The following RGS21 variants were observed in gnomAD, a reference collection of about 807,000 sequenced individuals.
RGS21 encodes regulator of G-protein signalling 21.
RGS21 carries 19 observed loss-of-function variants against 18.7 expected under a neutral mutation model. That is an observed-to-expected ratio of 1.01 (90% CI 0.71 to 1.49). RGS21 has a LOEUF of 1.49. Ranked by LOEUF, RGS21 falls within the 40% of genes most tolerant of loss-of-function variation. The probability of loss-of-function intolerance (pLI) is 0.00; values close to 1 mark genes in which losing one functional copy is unlikely to be tolerated. For missense variants in RGS21, 194 were observed against 176.8 expected (o/e 1.10, Z -0.55); for synonymous variants, 56 against 57.8 (o/e 0.97, Z 0.14).
At chr1:192,341,872 CT>C (rs1658866771) in intron 1 of RGS21, among the ~76,000 whole-genome samples, 4 of 151,270 alleles carry the variant, frequency 2.6e-5, no homozygotes, top group African/African-American at 7.3e-5. Context: ...ATTATCCCCC[CT>C]GAGCAAAACA....
chr1:192,334,712 A>C (rs1272362671), intron 1 of RGS21, among the ~76,000 whole-genome samples: 2 of 152,152 alleles, frequency 1.3e-5, no homozygotes, highest in African/African-American at 4.8e-5. Context: ...GGTATTTATG[A>C]GTATGTATAT....
In RGS21 at chr1:192,352,058, G is replaced by T. The variant is rs1659050072; in HGVS notation, c.100G>T (p.Ala34Ser). 1 of 1,593,908 alleles carries T rather than the reference G, an allele frequency of 6.3e-7. No homozygotes were observed. The part of the protein sequence containing the change: ...TLLANQAGLD[A>S]FRIFLKSEFS... Reference sequence around the variant, plus strand: ...CATATATTTTATAGCTGGTCTAGATGCTTTTCGAATATTTCTAAAATCAGA... The same window carrying T: ...CATATATTTTATAGCTGGTCTAGATTCTTTTCGAATATTTCTAAAATCAGA... Residue 34 changes from alanine to serine, a missense_variant, in exon 4 of 5, where the codon GCT becomes TCT. By Grantham distance (99) the Ala-to-Ser change is moderately conservative. Transcript: ENST00000417209.
chr1:192,336,379 A>G (rs1658767844), intron 1 of RGS21, among the ~76,000 whole-genome samples: 1 of 152,080 alleles, frequency 6.6e-6, no homozygotes. Flanking sequence ...CGCTTGAACC[A>G]AGGAGGCGCA....
intron 4 of RGS21, among the ~76,000 whole-genome samples, chr1:192,359,815 C>T (rs191385418): frequency 1.7e-3 from 257 of 149,344 alleles, no homozygotes; most frequent in Admixed American, 6.8e-3. Flanking sequence ...AAGTTATATA[C>T]ATTATTTAGT....
intron 4 of RGS21, among the ~76,000 whole-genome samples, chr1:192,359,651 G>GTATATATATATATATATATATA (rs1448592098): frequency 2.4e-5 from 2 of 82,852 alleles, no homozygotes; most frequent in South Asian, 4.2e-4. Flanking sequence ...ATATGTGTGT[G>GTATATATATATATATATATATA]TGTGTATATA....
At chr1:192,327,601 T>C (rs1490700286) in intron 1 of RGS21, among the ~76,000 whole-genome samples, 2 of 152,090 alleles carry the variant, frequency 1.3e-5, no homozygotes, top group African/African-American at 2.4e-5. Flanking sequence ...GCCTCCCGAG[T>C]AGCTGGGATT....
At chr1:192,333,207 T>A (rs530910887) in intron 1 of RGS21, among the ~76,000 whole-genome samples, 41 of 151,902 alleles carry the variant, frequency 2.7e-4, no homozygotes, top group African/African-American at 9.4e-4. Flanking sequence ...AGTGCACCTC[T>A]CATACACTGC....
chr1:192,333,890 A>T (rs1366544907), intron 1 of RGS21, among the ~76,000 whole-genome samples: 1 of 152,168 alleles, frequency 6.6e-6, no homozygotes, highest in African/African-American at 2.4e-5. Flanking sequence ...AACCACTGGG[A>T]TAGACTGTGC....
chr1:192,352,691 T>C (rs1659061106), intron 4 of RGS21, among the ~76,000 whole-genome samples: 3 of 152,034 alleles, frequency 2.0e-5, no homozygotes, highest in Admixed American at 6.6e-5. Flanking sequence ...TCTTTGATGG[T>C]AAAATTGAGC....
intron 2 of RGS21, among the ~76,000 whole-genome samples, chr1:192,344,644 A>T (rs9970971): frequency 0.036 from 5,497 of 152,248 alleles, 348 homozygotes; most frequent in African/African-American, 0.12. Flanking sequence ...TTACAAATTT[A>T]ACTGGCAACA....
chr1:192,339,380 G>C (rs1658818478), intron 1 of RGS21, among the ~76,000 whole-genome samples: 1 of 151,894 alleles, frequency 6.6e-6, no homozygotes, highest in Admixed American at 6.6e-5. Flanking sequence ...TTAATAGTGG[G>C]GTCTCATGTA....
At chr1:192,363,537 A>G (rs1365955214) in intron 4 of RGS21, among the ~76,000 whole-genome samples, 1 of 152,164 alleles carries the variant, frequency 6.6e-6, no homozygotes, top group Non-Finnish European at 1.5e-5. Context: ...AAAAACCACT[A>G]CAAATCTTGA....
At chr1:192,328,440 T>C (rs1429993963) in intron 1 of RGS21, among the ~76,000 whole-genome samples, 1 of 152,170 alleles carries the variant, frequency 6.6e-6, no homozygotes, top group Non-Finnish European at 1.5e-5. Flanking sequence ...GTCTCTATGG[T>C]TCATTATGTT....
chr1:192,318,109 C>T (rs912773331), intron 1 of RGS21, among the ~76,000 whole-genome samples: 2 of 151,792 alleles, frequency 1.3e-5, no homozygotes, highest in African/African-American at 4.8e-5. Context: ...ATATATTCAT[C>T]GTATAATTGC....
Position 192,366,803 on chromosome 1 carries a change from A to C in RGS21, c.*679A>C, listed in dbSNP as rs1659266985. On this transcript the variant is annotated 3_prime_UTR_variant, in exon 5 of 5. Transcript: ENST00000417209. The stretch of plus-strand genomic sequence containing the variant: ...AAGGGTGGGGAATACTGATTTTCTT[A>C]TGTTAACAGAAATATAAAAGAAAGT... 6.6e-6 allele frequency: 1 copy of C among 152,026 alleles called. No individual in the cohort carries two copies. Among genetic ancestry groups the C allele is most frequent in the Admixed American group, 6.6e-5 (1 of 15,220 alleles). 9.4% of individuals were successfully genotyped at this position (152,026 alleles called of 1,614,324 possible).
intron 1 of RGS21, among the ~76,000 whole-genome samples, chr1:192,331,154 T>C (rs1274404592): frequency 6.6e-6 from 1 of 152,202 alleles, no homozygotes; most frequent in Non-Finnish European, 1.5e-5. Context: ...CTTGTTAATG[T>C]CCGGCTGTAT....
intron 1 of RGS21, among the ~76,000 whole-genome samples, chr1:192,336,347 T>C (rs568641499): frequency 2.0e-4 from 30 of 152,196 alleles, no homozygotes; most frequent in Admixed American, 3.3e-4. Context: ...CTCAGCTAGT[T>C]GGAAGGCTGA....
chr1:192,339,862 C>T (rs538220664), intron 1 of RGS21, among the ~76,000 whole-genome samples: 47 of 152,156 alleles, frequency 3.1e-4, no homozygotes, highest in African/African-American at 1.1e-3. Context: ...AACCCATAAA[C>T]TGAAAAGAAA....
At chr1:192,332,897 G>A (rs546497474) in intron 1 of RGS21, among the ~76,000 whole-genome samples, 2 of 151,864 alleles carry the variant, frequency 1.3e-5, no homozygotes, top group Non-Finnish European at 2.9e-5. Context: ...CAGCCTGGGT[G>A]ACAGAGCAAG....
Sources: gnomAD v4.1 joint callset for allele counts (sites outside exome capture counted in the v4.1 genomes callset) on GRCh38, gnomAD v4.1.1 for gene constraint, MANE v1.5 for transcripts, NCBI Gene and HGNC (gene_info 2026-07-23, HGNC 2026-07-21) for gene names.